GALNT13: variants seen among roughly 807,000 people sequenced by gnomAD.
GALNT13 encodes UDP-GalNAc:polypeptide N-acetylgalactosaminyltransferase 13.
A neutral mutation model predicts 64.2 loss-of-function variants in GALNT13; 28 were observed. The observed-to-expected ratio is 0.44, with a 90% CI of 0.32 to 0.60. The LOEUF (loss-of-function observed/expected upper bound fraction) is 0.60, where lower values mean the gene tolerates loss of function less well. GALNT13 is among the 20% of genes least tolerant of loss of function. GALNT13 has a pLI of 0.05. For synonymous variants in GALNT13, 214 were observed against 224.6 expected (o/e 0.95, Z 0.42); for missense variants, 577 against 669.8 (o/e 0.86, Z 1.53).
At chr2:153,622,217 C>T in the GALNT13 span, among the ~76,000 whole-genome samples, 1 of 151,944 alleles carries the variant, frequency 6.6e-6, no homozygotes, top group African/African-American at 2.4e-5. Flanking sequence ...TTCTCTCTAA[C>T]ACACACACAT....
At chr2:153,285,469 G>A in the GALNT13 span, among the ~76,000 whole-genome samples, 3 of 152,196 alleles carry the variant, frequency 2.0e-5, no homozygotes, top group East Asian at 1.9e-4. Context: ...AGGAAATTGC[G>A]AATGTTCAGT....
intron 9 of GALNT13, among the ~76,000 whole-genome samples, chr2:154,345,559 T>C (rs1217064189): frequency 6.6e-6 from 1 of 152,062 alleles, no homozygotes; most frequent in Non-Finnish European, 1.5e-5. Context: ...TAAATTTAAA[T>C]GTAATTATTC....
the GALNT13 span, among the ~76,000 whole-genome samples, chr2:153,079,447 T>C: frequency 0.011 from 1,628 of 152,312 alleles, 26 homozygotes; most frequent in Middle Eastern, 0.041. Context: ...TTGGCTGTTA[T>C]ACATTAACAT....
At chr2:153,509,553 T>G in the GALNT13 span, among the ~76,000 whole-genome samples, 1 of 152,270 alleles carries the variant, frequency 6.6e-6, no homozygotes, top group Non-Finnish European at 1.5e-5. Flanking sequence ...TAAAGAAATG[T>G]TGTAAATAAA....
chr2:154,036,574 T>G (rs968567075), intron 3 of GALNT13, among the ~76,000 whole-genome samples: 2 of 152,182 alleles, frequency 1.3e-5, no homozygotes, highest in African/African-American at 4.8e-5. Context: ...TATGTTTATA[T>G]GAGTGTGAAT....
the GALNT13 span, among the ~76,000 whole-genome samples, chr2:153,270,593 A>G: frequency 1.3e-5 from 2 of 152,094 alleles, no homozygotes; most frequent in African/African-American, 2.4e-5. Flanking sequence ...AGACATAGTG[A>G]CTCATGCCTG....
chr2:153,735,714 A>G, the GALNT13 span, among the ~76,000 whole-genome samples: 56 of 152,300 alleles, frequency 3.7e-4, no homozygotes, highest in South Asian at 9.9e-3. Flanking sequence ...TTAAGATCCC[A>G]TTGTTTCACA....
chr2:153,758,965 C>T, the GALNT13 span, among the ~76,000 whole-genome samples: 1 of 152,152 alleles, frequency 6.6e-6, no homozygotes, highest in Non-Finnish European at 1.5e-5. Flanking sequence ...CTTGTGTCAT[C>T]AATTTCTTTC....
At chr2:153,259,322 G>T in the GALNT13 span, among the ~76,000 whole-genome samples, 1 of 150,566 alleles carries the variant, frequency 6.6e-6, no homozygotes, top group South Asian at 2.1e-4. Context: ...CTCTTTATAG[G>T]TGTAGTATGT....
At chr2:154,274,330 T>G (rs2105927710) in intron 8 of GALNT13, among the ~76,000 whole-genome samples, 1 of 152,226 alleles carries the variant, frequency 6.6e-6, no homozygotes. Context: ...ATAAAAAATT[T>G]AAGGGTATAT....
At chr2:153,192,524 G>A in the GALNT13 span, among the ~76,000 whole-genome samples, 2 of 152,250 alleles carry the variant, frequency 1.3e-5, no homozygotes, top group East Asian at 3.9e-4. Context: ...TTGGTCTAAA[G>A]TGCAGTTTAA....
intron 3 of GALNT13, among the ~76,000 whole-genome samples, chr2:154,021,519 T>C (rs1299107425): frequency 1.3e-5 from 2 of 152,184 alleles, no homozygotes; most frequent in Non-Finnish European, 2.9e-5. Context: ...TATTGGTGTA[T>C]AAGAATGCTT....
At chr2:153,094,865 T>TA in the GALNT13 span, among the ~76,000 whole-genome samples, 1 of 152,180 alleles carries the variant, frequency 6.6e-6, no homozygotes, top group African/African-American at 2.4e-5. Context: ...ATCCCTTCCT[T>TA]ACACCTTATA....
the GALNT13 span, among the ~76,000 whole-genome samples, chr2:153,483,604 C>T: frequency 2.6e-5 from 4 of 151,712 alleles, no homozygotes; most frequent in East Asian, 1.9e-4. Flanking sequence ...TTAGTAGAGA[C>T]GGGGTTTATC....
chr2:154,145,851 G>A (rs527437295), intron 4 of GALNT13, among the ~76,000 whole-genome samples: 2 of 152,000 alleles, frequency 1.3e-5, no homozygotes, highest in African/African-American at 4.8e-5. Flanking sequence ...CCTTTCCCAT[G>A]AATTAAAATA....
At chr2:154,374,159 G>A (rs1333298737) in intron 9 of GALNT13, among the ~76,000 whole-genome samples, 1 of 152,124 alleles carries the variant, frequency 6.6e-6, no homozygotes, top group African/African-American at 2.4e-5. Context: ...CCTCCATTTT[G>A]CAAATTGGTA....
At chr2:154,073,828 A>G (rs918341968) in intron 3 of GALNT13, among the ~76,000 whole-genome samples, 1 of 151,854 alleles carries the variant, frequency 6.6e-6, no homozygotes, top group South Asian at 2.1e-4. Flanking sequence ...TACTATTCCA[A>G]TTTCTAACGG....
intron 3 of GALNT13, among the ~76,000 whole-genome samples, chr2:154,085,778 C>T (rs1398789498): frequency 6.6e-5 from 10 of 151,818 alleles, no homozygotes; most frequent in African/African-American, 9.7e-5. Flanking sequence ...TCTTGAAGTA[C>T]GTTATAGGTC....
chr2:154,153,237 AG>A, intron 4 of GALNT13, among the ~76,000 whole-genome samples: 1 of 152,196 alleles, frequency 6.6e-6, no homozygotes, highest in Non-Finnish European at 1.5e-5. Context: ...CGATGGCTGC[AG>A]AACAGTGGAT....
Sources: gnomAD v4.1 joint callset for allele counts (sites outside exome capture counted in the v4.1 genomes callset) on GRCh38, gnomAD v4.1.1 for gene constraint, MANE v1.5 for transcripts, NCBI Gene and HGNC (gene_info 2026-07-23, HGNC 2026-07-21) for gene names.